TAF3: variants seen among roughly 807,000 people sequenced by gnomAD.
TAF3 encodes transcription initiation factor TFIID subunit 3.
Under a neutral mutation model 80.6 loss-of-function variants are expected in TAF3, and 7 were observed. The ratio of observed to expected loss-of-function variants is 0.09; its 90% CI spans 0.05 to 0.16. TAF3 has a LOEUF of 0.16. Among genes scored for constraint, TAF3 ranks in the 10% least tolerant of loss-of-function variants. The pLI is 1.00. For missense variants in TAF3, 921 were observed against 1,140.2 expected, an observed-to-expected ratio of 0.81 and a Z score of 2.77; for synonymous variants, 444 against 446.1, an observed-to-expected ratio of 1.00 and a Z score of 0.06.
chr10:7,918,717 C>T (rs531299278), intron 2 of TAF3, among the ~76,000 whole-genome samples: 2 of 152,122 alleles, frequency 1.3e-5, no homozygotes, highest in Non-Finnish European at 2.9e-5. Flanking sequence ...TATTATATTC[C>T]GTAGACCGTA....
intron 2 of TAF3, among the ~76,000 whole-genome samples, chr10:7,944,009 C>T (rs1420440712): frequency 6.6e-6 from 1 of 151,024 alleles, no homozygotes; most frequent in African/African-American, 2.4e-5. Flanking sequence ...AATTGATATG[C>T]GTAAGAGGAA....
intron 2 of TAF3, 149 bp from the exon 3 acceptor site, chr10:7,963,771 C>T: frequency 1.3e-6 from 1 of 747,820 alleles, no homozygotes; most frequent in South Asian, 2.3e-5. Context: ...AACAAACCTG[C>T]ATGTTGTGCC....
At position 7,995,696 on chromosome 10, in the gene TAF3, A is replaced by G. The variant is rs17143168; in HGVS notation, c.2316-13382A>G. ...GGTCATGCCTGCATTAAAAGATAAA[A>G]TGTTTGCTACTTGATATGTACTTGA... On this transcript the variant is annotated intron_variant, in intron 4 of 6. Transcript: ENST00000344293. Among the ~76,000 whole-genome samples the G allele has an allele frequency of 8.6e-3, 1,317 of 152,306 alleles. 20 individuals carry two copies. The highest frequency in any genetic ancestry group is 0.029 in the African/African-American group (1,187 of 41,558).
chr10:7,889,089 T>G (rs1464786023), intron 2 of TAF3, among the ~76,000 whole-genome samples: 1 of 152,230 alleles, frequency 6.6e-6, no homozygotes, highest in Non-Finnish European at 1.5e-5. Flanking sequence ...TTCAGAACTT[T>G]ATTTACTTCA....
chr10:7,921,650 G>T (rs1837763728), intron 2 of TAF3, among the ~76,000 whole-genome samples: 1 of 152,086 alleles, frequency 6.6e-6, no homozygotes, highest in South Asian at 2.1e-4. Context: ...CTTTTACTGT[G>T]GGTCACCACC....
intron 2 of TAF3, among the ~76,000 whole-genome samples, chr10:7,842,162 T>G (rs1588520152): frequency 6.7e-5 from 6 of 89,954 alleles, no homozygotes; most frequent in African/African-American, 1.8e-4. Context: ...TTTTTTTTTT[T>G]TGTTTTTTTT....
intron 2 of TAF3, among the ~76,000 whole-genome samples, chr10:7,881,623 T>A (rs570529904): frequency 3.4e-4 from 52 of 152,274 alleles, no homozygotes; most frequent in Non-Finnish European, 6.0e-4. Flanking sequence ...CACCTTCTAT[T>A]TCTAGGGGGC....
At chr10:7,856,826 G>C (rs1647849633) in intron 2 of TAF3, among the ~76,000 whole-genome samples, 1 of 146,562 alleles carries the variant, frequency 6.8e-6, no homozygotes, top group South Asian at 2.1e-4. Flanking sequence ...CCCACTCACT[G>C]GTGCTCTGGT....
intron 2 of TAF3, among the ~76,000 whole-genome samples, chr10:7,844,630 C>A (rs1448988165): frequency 6.6e-6 from 1 of 152,274 alleles, no homozygotes; most frequent in East Asian, 1.9e-4. Flanking sequence ...CCTGCCTCGG[C>A]CTTCCAAAGT....
chr10:7,945,974 T>C (rs1838020400), intron 2 of TAF3, among the ~76,000 whole-genome samples: 1 of 152,224 alleles, frequency 6.6e-6, no homozygotes, highest in Admixed American at 6.5e-5. Context: ...AACAAATATT[T>C]GTTGAATGAA....
chr10:7,991,153 A>G (rs765881947), intron 4 of TAF3, among the ~76,000 whole-genome samples: 1 of 152,092 alleles, frequency 6.6e-6, no homozygotes, highest in African/African-American at 2.4e-5. Context: ...AAACTTTCTT[A>G]TGTACATAGA....
chr10:7,924,569 T>C (rs1837797092), intron 2 of TAF3, among the ~76,000 whole-genome samples: 1 of 152,238 alleles, frequency 6.6e-6, no homozygotes, highest in African/African-American at 2.4e-5. Context: ...TAACCTTTCC[T>C]AACACGGAAC....
intron 2 of TAF3, among the ~76,000 whole-genome samples, chr10:7,845,727 A>G (rs906472201): frequency 6.6e-6 from 1 of 152,202 alleles, no homozygotes; most frequent in African/African-American, 2.4e-5. Flanking sequence ...TAATCTCAGC[A>G]TCATTTTCAA....
chr10:7,896,438 G>GAGACCACC (rs1296575408), intron 2 of TAF3, among the ~76,000 whole-genome samples: 1 of 152,126 alleles, frequency 6.6e-6, no homozygotes, highest in African/African-American at 2.4e-5. Context: ...CTTTGTCTTT[G>GAGACCACC]AGACCACCAC....
chr10:7,854,949 A>T (rs933076405), intron 2 of TAF3, among the ~76,000 whole-genome samples: 15 of 152,214 alleles, frequency 9.9e-5, no homozygotes, highest in African/African-American at 3.4e-4. Flanking sequence ...AATTAAATCT[A>T]TGTATTCACC....
At chr10:7,971,775 G>A (rs1301147022) in intron 3 of TAF3, among the ~76,000 whole-genome samples, 1 of 152,182 alleles carries the variant, frequency 6.6e-6, no homozygotes, top group African/African-American at 2.4e-5. Context: ...GAGAGTTAGA[G>A]CTTTATCAGT....
At chr10:8,006,579 C>A (rs1037789348) in intron 4 of TAF3, among the ~76,000 whole-genome samples, 1 of 152,128 alleles carries the variant, frequency 6.6e-6, no homozygotes, top group African/African-American at 2.4e-5. Flanking sequence ...TTGGCTGTAT[C>A]CAAGTTAGGA....
At chr10:7,901,349 C>T (rs1052788313) in intron 2 of TAF3, among the ~76,000 whole-genome samples, 6 of 152,208 alleles carry the variant, frequency 3.9e-5, no homozygotes, top group Non-Finnish European at 7.4e-5. Context: ...CCACAGGGTG[C>T]ATGTTGGTCA....
rs35137273 is a variant in TAF3 at position 7,898,545 on chromosome 10, C to CAA, written c.410-65351_410-65350dup. 5.6e-3 allele frequency among the ~76,000 whole-genome samples: 535 copies of CAA among 96,108 alleles called. 2 individuals are homozygous for CAA. Among genetic ancestry groups the CAA allele is most frequent in the African/African-American group, 0.021 (472 of 22,530 alleles). The allele number at this position is 96,108 out of a possible 152,430, so 63.1% of individuals were successfully genotyped here. On this transcript the variant is annotated intron_variant, in intron 2 of 6. Coordinates refer to ENST00000344293, the MANE Select transcript of TAF3 (RefSeq NM_031923.4). ...TGGGCGACAGAACAAGACTCTGTCT[C>CAA]AAAAAAAAAAAAAAAAAAAAAAAAA...
Sources: gnomAD v4.1 joint callset for allele counts (sites outside exome capture counted in the v4.1 genomes callset) on GRCh38, gnomAD v4.1.1 for gene constraint, MANE v1.5 for transcripts, NCBI Gene and HGNC (gene_info 2026-07-23, HGNC 2026-07-21) for gene names.